Variants in USP34 observed in about 807,000 individuals in gnomAD.
USP34 encodes the protein ubiquitin carboxyl-terminal hydrolase 34.
Under a neutral mutation model 460.3 loss-of-function variants are expected in USP34, and 70 were observed. That is an observed-to-expected ratio of 0.15 (90% CI 0.13 to 0.19). The LOEUF is 0.19. Ranked by LOEUF, USP34 falls within the 10% of genes least tolerant of loss-of-function variation. The probability of loss-of-function intolerance (pLI) is 1.00; values close to 1 mark genes in which losing one functional copy is unlikely to be tolerated. For missense variants in USP34, 3,985 were observed against 4,236.2 expected, an observed-to-expected ratio of 0.94 and a Z score of 1.65; for synonymous variants, 1,647 against 1,405.3, an observed-to-expected ratio of 1.17 and a Z score of -3.85.
intron 20 of USP34, among the ~76,000 whole-genome samples, chr2:61,328,620 T>C (rs1008100104): frequency 2.0e-5 from 3 of 152,154 alleles, no homozygotes; most frequent in Admixed American, 6.6e-5. Context: ...GATTGAAAGG[T>C]TGGAAAGATT....
chr2:61,288,694 T>C lies in USP34; in HGVS notation c.4732A>G (p.Ile1578Val). 1 of 1,613,938 alleles carries C rather than the reference T, an allele frequency of 6.2e-7. No individual in the cohort carries two copies. Among genetic ancestry groups the C allele is most frequent in the South Asian group, 1.1e-5 (1 of 91,086 alleles). Residue 1578 changes from isoleucine (I) to valine (V), a missense_variant, in exon 34 of 80, where the codon ATA becomes GTA. Transcript: ENST00000398571. ...AAGDHAKGLH[I>V]PRLTEVFLVL... ...CACTTTACCTCTGTTAATCGTGGTA[T>C]ATGAAGACCCTTAGCATGATCACCA... is the stretch of plus-strand genomic sequence containing the variant.
chr2:61,332,171 T>C (rs905403122), intron 19 of USP34, among the ~76,000 whole-genome samples: 1 of 152,092 alleles, frequency 6.6e-6, no homozygotes, highest in African/African-American at 2.4e-5. Context: ...GGAAGTCTGT[T>C]TGCTTGAAGG....
intron 43 of USP34, among the ~76,000 whole-genome samples, chr2:61,260,600 C>T (rs1364428011): frequency 6.6e-6 from 1 of 152,072 alleles, no homozygotes; most frequent in African/African-American, 2.4e-5. Flanking sequence ...TGGACTAAAA[C>T]AGAGATCTGT....
chr2:61,197,771 G>A (rs142554953), intron 75 of USP34, among the ~76,000 whole-genome samples: 11 of 151,758 alleles, frequency 7.2e-5, no homozygotes, highest in Admixed American at 5.9e-4. Context: ...CTTCTATTTT[G>A]GTGGGGGGAA....
chr2:61,330,164 C>A (rs888152290), intron 20 of USP34, among the ~76,000 whole-genome samples: 3 of 152,160 alleles, frequency 2.0e-5, no homozygotes, highest in African/African-American at 7.2e-5. Flanking sequence ...TCGCTCTATT[C>A]TTTGTGTGTG....
intron 20 of USP34, among the ~76,000 whole-genome samples, chr2:61,330,999 T>A (rs1189193666): frequency 6.6e-6 from 1 of 152,166 alleles, no homozygotes; most frequent in African/African-American, 2.4e-5. Context: ...GTATTTACTT[T>A]TGATTCCTTA....
intron 8 of USP34, among the ~76,000 whole-genome samples, chr2:61,375,666 G>T (rs1164526197): frequency 6.6e-6 from 1 of 150,958 alleles, no homozygotes. Flanking sequence ...CTACTCGGGA[G>T]GCTGAAGCAG....
At chr2:61,347,612 G>A (rs1691811872) in intron 15 of USP34, among the ~76,000 whole-genome samples, 1 of 152,174 alleles carries the variant, frequency 6.6e-6, no homozygotes, top group African/African-American at 2.4e-5. Context: ...GACCTCAAGT[G>A]ATCCACCTGC....
rs1275499070 is a variant in USP34, at chr2:61,190,532, G to T, written c.9715C>A (p.His3239Asn). 6.2e-7 allele frequency: 1 copy of T among 1,613,600 alleles called. No homozygotes were observed. The highest frequency in any genetic ancestry group is 8.5e-7 in the Non-Finnish European group (1 of 1,179,862). Residue 3239 changes from histidine (H) to asparagine (N), a missense_variant, in exon 77 of 80, where the codon CAT becomes AAT. Coordinates refer to ENST00000398571, the MANE Select transcript of USP34 (RefSeq NM_014709.4). ...GTACTACGTACCTTTAGAAGGAAAT[G>T]TGTCATGAACGTGTAGACAATGTTG... is the stretch of plus-strand genomic sequence containing the variant. ...NNNIVYTFMT[H>N]FLLKVQSQVF...
chr2:61,372,848 A>T (rs960572172), intron 8 of USP34, among the ~76,000 whole-genome samples: 7 of 152,224 alleles, frequency 4.6e-5, no homozygotes, highest in Non-Finnish European at 1.0e-4. Flanking sequence ...GGTGCCAGAA[A>T]AAATATTTCA....
At position 61,385,871 on chromosome 2, in the gene USP34, CT is replaced by C. The variant is rs1693128307; in HGVS notation, c.754-2536del. ...ATGAGCCAGGTGTGGTGACGCGCAC[CT>C]GTAATCCCAGCTACTTGGGATGCTG... On this transcript the variant is annotated intron_variant, in intron 5 of 79. Transcript: ENST00000398571. Among the ~76,000 whole-genome samples, 12 of 151,004 alleles carry C rather than the reference CT, an allele frequency of 7.9e-5. No individual in the cohort carries two copies. In the South Asian group the frequency reaches 2.5e-3, roughly 32 times the overall value.
chr2:61,435,986 C>T (rs1051291207), intron 1 of USP34, among the ~76,000 whole-genome samples: 2 of 151,962 alleles, frequency 1.3e-5, no homozygotes, highest in Non-Finnish European at 2.9e-5. Context: ...CAAGATCACC[C>T]CATTGCACTC....
chr2:61,426,802 G>C (rs896565517), intron 1 of USP34, among the ~76,000 whole-genome samples: 4 of 152,200 alleles, frequency 2.6e-5, no homozygotes, highest in African/African-American at 9.7e-5. Context: ...CAGTCATGGT[G>C]GCCACAGGGG....
chr2:61,243,308 G>A (rs186614750), intron 51 of USP34, among the ~76,000 whole-genome samples: 5 of 151,804 alleles, frequency 3.3e-5, no homozygotes, highest in Admixed American at 2.0e-4. Context: ...CACCACGCCC[G>A]GCTAATTTTT....
At chr2:61,203,387 T>A in intron 74 of USP34, 124 bp from the exon 75 acceptor site, 1 of 962,746 alleles carries the variant, frequency 1.0e-6, no homozygotes. Flanking sequence ...GAACCTAGTT[T>A]TAAAATCCAA....
chr2:61,240,010 CAAAA>C (rs10552748), intron 53 of USP34, among the ~76,000 whole-genome samples: 2 of 104,860 alleles, frequency 1.9e-5, no homozygotes, highest in Non-Finnish European at 3.9e-5. Context: ...GACTCCTTCT[CAAAA>C]AAAAAAAAAA....
intron 67 of USP34, among the ~76,000 whole-genome samples, chr2:61,216,087 ATTAAT>A (rs1277017780): frequency 6.6e-6 from 1 of 152,200 alleles, no homozygotes; most frequent in Non-Finnish European, 1.5e-5. Context: ...GGTTTCTAAA[ATTAAT>A]TTTAGTTTAT....
intron 1 of USP34, among the ~76,000 whole-genome samples, chr2:61,427,275 G>A (rs1694540762): frequency 2.6e-5 from 4 of 152,232 alleles, no homozygotes; most frequent in East Asian, 1.9e-4. Flanking sequence ...TGATCCACCC[G>A]CCTTGGCCTC....
At chr2:61,446,468 T>C (rs548511947) in intron 1 of USP34, among the ~76,000 whole-genome samples, 2 of 152,258 alleles carry the variant, frequency 1.3e-5, no homozygotes, top group South Asian at 4.1e-4. Flanking sequence ...ATATGAAAAC[T>C]GAAATCATGT....
Sources: gnomAD v4.1 joint callset for allele counts (sites outside exome capture counted in the v4.1 genomes callset) on GRCh38, gnomAD v4.1.1 for gene constraint, MANE v1.5 for transcripts, NCBI Gene and HGNC (gene_info 2026-07-23, HGNC 2026-07-21) for gene names.